GSE1: variants seen among roughly 807,000 people sequenced by gnomAD.
GSE1 encodes Gse1 coiled-coil protein, also known as genetic suppressor element 1.
GSE1 carries 32 observed loss-of-function variants against 112.6 expected under a neutral mutation model. The observed-to-expected ratio is 0.28, with a 90% CI of 0.21 to 0.38. The LOEUF is 0.38. GSE1 is among the 10% of genes least tolerant of loss of function. The pLI is 1.00. For synonymous variants in GSE1, 1,115 were observed against 735.6 expected, an observed-to-expected ratio of 1.52 and a Z score of -8.35; for missense variants, 2,348 against 1,699.2, an observed-to-expected ratio of 1.38 and a Z score of -6.71.
At chr16:85,628,968 A>G (rs893186018) in intron 1 of GSE1, among the ~76,000 whole-genome samples, 2 of 152,154 alleles carry the variant, frequency 1.3e-5, no homozygotes, top group Non-Finnish European at 2.9e-5. Context: ...TGATTGGATC[A>G]TGGGGGTGGA....
intron 1 of GSE1, among the ~76,000 whole-genome samples, chr16:85,221,929 G>GC: frequency 6.6e-6 from 1 of 152,294 alleles, no homozygotes; most frequent in East Asian, 1.9e-4. Flanking sequence ...TGACTCAGCT[G>GC]CCCCTCCCGG....
intron 2 of GSE1, among the ~76,000 whole-genome samples, chr16:85,471,629 G>A (rs2050298909): frequency 6.6e-6 from 1 of 152,122 alleles, no homozygotes; most frequent in Admixed American, 6.5e-5. Context: ...GCCCAGACTG[G>A]TCTTGAACTC....
At chr16:85,426,558 T>C (rs954174380) in intron 2 of GSE1, among the ~76,000 whole-genome samples, 25 of 138,496 alleles carry the variant, frequency 1.8e-4, no homozygotes, top group African/African-American at 6.7e-4. Flanking sequence ...GAATGGTGGA[T>C]GGATGGGGGG....
At chr16:85,376,613 G>A (rs1013679275) in intron 2 of GSE1, among the ~76,000 whole-genome samples, 6 of 152,220 alleles carry the variant, frequency 3.9e-5, no homozygotes, top group Admixed American at 6.5e-5. Flanking sequence ...TCTCGAAGTC[G>A]TGGGAGGCGG....
At chr16:85,324,977 G>GT (rs200187382) in intron 1 of GSE1, among the ~76,000 whole-genome samples, 239 of 151,722 alleles carry the variant, frequency 1.6e-3, no homozygotes, top group African/African-American at 5.4e-3. Context: ...ATTTTTATCC[G>GT]TTTTTTTTGA....
In GSE1 at chr16:85,656,415, C is replaced by CCGCGAGCGGGAGAAGGAACGTGAG. The variant is rs752535546; in HGVS notation, c.1068_1091dup (p.Arg363_Glu370dup). 6.4e-7 allele frequency: 1 copy of CCGCGAGCGGGAGAAGGAACGTGAG among 1,569,306 alleles called. No individual in the cohort carries two copies. Among genetic ancestry groups the CCGCGAGCGGGAGAAGGAACGTGAG allele is most frequent in the South Asian group, 1.1e-5 (1 of 87,458 alleles). ...AGCGCGAGCGTGAGCGTGAGGCTGA[C>CCGCGAGCGGGAGAAGGAACGTGAG]CGCGAGCGGGAGAAGGAACGTGAGC... On this transcript the variant is annotated inframe_insertion, in exon 7 of 16. Coordinates refer to ENST00000253458, the MANE Select transcript of GSE1 (RefSeq NM_014615.5).
chr16:85,265,015 C>T (rs942807262), intron 1 of GSE1, among the ~76,000 whole-genome samples: 6 of 152,198 alleles, frequency 3.9e-5, no homozygotes, highest in East Asian at 1.9e-4. Flanking sequence ...GAAGAGTAAA[C>T]GAGCAGGCAC....
rs149902010 is a variant in GSE1, at chr16:85,633,589, C to T, written c.8-325C>T. 6.1e-3 allele frequency among the ~76,000 whole-genome samples: 924 copies of T among 152,314 alleles called. 10 individuals are homozygous for T. Among genetic ancestry groups the T allele is most frequent in the African/African-American group, 0.021 (892 of 41,580 alleles). ...CCCACGCCATTTGATGGTCAGGGGC[C>T]TGTTGGGTGATGCGTGGGATCCTCC... On this transcript the variant is annotated intron_variant, in intron 1 of 15. Transcript: ENST00000253458.
At chr16:85,323,222 A>G (rs2046152030) in intron 1 of GSE1, among the ~76,000 whole-genome samples, 1 of 152,146 alleles carries the variant, frequency 6.6e-6, no homozygotes, top group Admixed American at 6.5e-5. Context: ...CACATGGTTC[A>G]ATAGAGCGTT....
At chr16:85,233,931 G>A (rs1410753157) in intron 1 of GSE1, among the ~76,000 whole-genome samples, 1 of 152,114 alleles carries the variant, frequency 6.6e-6, no homozygotes, top group African/African-American at 2.4e-5. Context: ...CACATGGCAG[G>A]GATCACATGG....
intron 1 of GSE1, among the ~76,000 whole-genome samples, chr16:85,343,352 G>A (rs956695949): frequency 2.0e-5 from 3 of 152,120 alleles, no homozygotes; most frequent in African/African-American, 7.2e-5. Context: ...TGCTTGTGGC[G>A]GGTACTACAG....
intron 1 of GSE1, among the ~76,000 whole-genome samples, chr16:85,246,508 C>G (rs1234522797): frequency 1.0e-5 from 1 of 100,420 alleles, no homozygotes; most frequent in African/African-American, 3.4e-5. Context: ...ACACCCCCCC[C>G]CCCCCGACGC....
intron 2 of GSE1, among the ~76,000 whole-genome samples, chr16:85,371,828 G>T (rs969705095): frequency 1.3e-5 from 2 of 152,212 alleles, no homozygotes; most frequent in African/African-American, 4.8e-5. Flanking sequence ...CTGCTCAGTA[G>T]TCCCGGATGG....
At chr16:85,308,734 C>T (rs2045748181) in intron 1 of GSE1, among the ~76,000 whole-genome samples, 1 of 151,846 alleles carries the variant, frequency 6.6e-6, no homozygotes, top group South Asian at 2.1e-4. Context: ...TTCTGCAAGA[C>T]AGCTGTTTCC....
intron 2 of GSE1, among the ~76,000 whole-genome samples, chr16:85,498,344 C>G (rs13334900): frequency 1.3e-5 from 2 of 152,056 alleles, no homozygotes; most frequent in African/African-American, 4.8e-5. Flanking sequence ...CACACGGACA[C>G]ACAGATACCC....
chr16:85,515,242 C>T (rs2051888898), intron 2 of GSE1, among the ~76,000 whole-genome samples: 1 of 152,174 alleles, frequency 6.6e-6, no homozygotes, highest in South Asian at 2.1e-4. Flanking sequence ...CACCTCTGCC[C>T]CCATCCCCGT....
chr16:85,407,288 T>C (rs867440912), intron 2 of GSE1, among the ~76,000 whole-genome samples: 189 of 31,546 alleles, frequency 6.0e-3, no homozygotes, highest in Non-Finnish European at 7.8e-3. Context: ...TAATCCTCAC[T>C]GTTACACTCA....
chr16:85,378,592 C>G (rs1178392016), intron 2 of GSE1, among the ~76,000 whole-genome samples: 1 of 152,196 alleles, frequency 6.6e-6, no homozygotes, highest in Non-Finnish European at 1.5e-5. Context: ...CTGCTTGGCG[C>G]CCTTCGTGCT....
At chr16:85,219,646 T>C (rs1444650583) in intron 1 of GSE1, among the ~76,000 whole-genome samples, 1 of 152,248 alleles carries the variant, frequency 6.6e-6, no homozygotes, top group Non-Finnish European at 1.5e-5. Flanking sequence ...TGTGGCACTT[T>C]GAGTGTTCAT....
Sources: allele counts gnomAD v4.1 joint callset (sites outside exome capture counted in the v4.1 genomes callset), GRCh38; gene constraint gnomAD v4.1.1; transcripts MANE v1.5; gene names NCBI Gene and HGNC (gene_info 2026-07-23, HGNC 2026-07-21).